LPAR3: variants seen among roughly 807,000 people sequenced by gnomAD.
LPAR3 encodes lysophosphatidic acid receptor 3.
Under a neutral mutation model 17.8 loss-of-function variants are expected in LPAR3, and 7 were observed. The observed-to-expected ratio is 0.39, with a 90% CI of 0.22 to 0.74. The LOEUF is 0.74. Ranked by LOEUF, LPAR3 falls within the 30% of genes least tolerant of loss-of-function variation. The probability of loss-of-function intolerance (pLI) is 0.40; values close to 1 mark genes in which losing one functional copy is unlikely to be tolerated. For synonymous variants in LPAR3, 179 were observed against 179.9 expected (o/e 0.99, Z 0.04); for missense variants, 391 against 453.4 (o/e 0.86, Z 1.25).
Position 84,865,450 on chromosome 1 carries a change from G to T in LPAR3, c.671C>A (p.Thr224Lys). 1.2e-6 allele frequency: 2 copies of T among 1,614,128 alleles called. No individual in the cohort carries two copies. Among genetic ancestry groups the T allele is most frequent in the Non-Finnish European group, 8.5e-7 (1 of 1,180,022 alleles). Residue 224 changes from threonine (T) to lysine (K), a missense_variant, in exon 2 of 3, where the codon ACA (threonine) becomes AAA (lysine). Thr to Lys is a moderately conservative substitution (Grantham distance 78). Coordinates refer to ENST00000370611, the MANE Select transcript of LPAR3 (RefSeq NM_012152.3). ...CCTCCGGCGGCTGATGGACCCACTT[G>T]TATGCGGAGACAAGACGTTGGTTTT... ...KRKTNVLSPH[T>K]SGSISRRRTP...
In LPAR3 at chr1:84,892,618, G is replaced by C. The variant is rs75710830; in HGVS notation, c.-19+398C>G. On this transcript the variant is annotated intron_variant, in intron 1 of 2. Transcript: ENST00000370611. ...AATGTTATATCCCTAGGCTTCACGA[G>C]AGAACCCCAGTTTCCTAATCACCAT... 3.1e-3 allele frequency among the ~76,000 whole-genome samples: 474 copies of C among 152,320 alleles called. 2 individuals are homozygous for C. Among genetic ancestry groups the C allele is most frequent in the African/African-American group, 0.011 (450 of 41,566 alleles).
At chr1:84,839,169 GA>G (rs1477970376) in intron 2 of LPAR3, among the ~76,000 whole-genome samples, 25 of 152,316 alleles carry the variant, frequency 1.6e-4, no homozygotes, top group Non-Finnish European at 2.9e-5. Context: ...ATTTGGTGTA[GA>G]AACCAAGTGA....
chr1:84,872,867 T>A (rs1352527254), intron 1 of LPAR3, among the ~76,000 whole-genome samples: 1 of 152,198 alleles, frequency 6.6e-6, no homozygotes, highest in Non-Finnish European at 1.5e-5. Context: ...CAGTGATAAG[T>A]CATATTGCTA....
At position 84,866,003 on chromosome 1, in the gene LPAR3, A is replaced by G; in HGVS notation, c.118T>C (p.Phe40Leu). ...LVIVLCVGTF[F>L]CLFIFFSNSL... ...TTAGAAAAAAAAATAAACAGGCAGA[A>G]AAACGTCCCAACACACAAAACAATC... Residue 40 changes from phenylalanine to leucine, a missense_variant, in exon 2 of 3, where the codon TTC becomes CTC. Phe to Leu is a conservative substitution (Grantham distance 22). Coordinates refer to ENST00000370611, the MANE Select transcript of LPAR3 (RefSeq NM_012152.3). The G allele has an allele frequency of 6.2e-7, 1 of 1,614,212 alleles. No individual in the cohort carries two copies. Among genetic ancestry groups the G allele is most frequent in the Non-Finnish European group, 8.5e-7 (1 of 1,180,036 alleles).
In LPAR3 at chr1:84,893,149, G is replaced by A. The variant is rs891092197; in HGVS notation, c.-152C>T. On this transcript the variant is annotated 5_prime_UTR_variant, in exon 1 of 3. Transcript: ENST00000370611. ...GCGCGGAGAAGCAGCGGAGGACGCG[G>A]CGGGCGGGCGGAGCGCCTCCTCTCC... The A allele has an allele frequency of 3.3e-5, 5 of 152,056 alleles. No individual in the cohort carries two copies. The highest frequency in any genetic ancestry group is 1.2e-4 in the African/African-American group (5 of 41,442). 9.4% of individuals were successfully genotyped at this position (152,056 alleles called of 1,614,324 possible).
chr1:84,888,831 G>C (rs1570911638), intron 1 of LPAR3, among the ~76,000 whole-genome samples: 1 of 152,322 alleles, frequency 6.6e-6, no homozygotes, highest in Admixed American at 6.5e-5. Context: ...GCTAGTAGAA[G>C]CTCCAGCTTA....
intron 2 of LPAR3, among the ~76,000 whole-genome samples, chr1:84,864,836 T>C (rs999367163): frequency 2.6e-5 from 4 of 151,982 alleles, no homozygotes; most frequent in African/African-American, 4.8e-5. Flanking sequence ...TATAACCACA[T>C]GACCCTACAT....
chr1:84,877,007 C>T (rs1232462619), intron 1 of LPAR3, among the ~76,000 whole-genome samples: 1 of 152,214 alleles, frequency 6.6e-6, no homozygotes, highest in Non-Finnish European at 1.5e-5. Context: ...GAATCTACCT[C>T]ACAAATGTCC....
At chr1:84,831,170 C>T (rs1659276391) in intron 2 of LPAR3, among the ~76,000 whole-genome samples, 1 of 152,218 alleles carries the variant, frequency 6.6e-6, no homozygotes, top group African/African-American at 2.4e-5. Context: ...AACAGTGAAC[C>T]TCACCTTGTG....
At chr1:84,876,121 G>A (rs1006849074) in intron 1 of LPAR3, among the ~76,000 whole-genome samples, 50 of 152,302 alleles carry the variant, frequency 3.3e-4, no homozygotes, top group African/African-American at 1.1e-3. Flanking sequence ...GGGGCTCCTC[G>A]AGAATGCTAT....
At chr1:84,853,901 G>A (rs903169445) in intron 2 of LPAR3, among the ~76,000 whole-genome samples, 1 of 152,074 alleles carries the variant, frequency 6.6e-6, no homozygotes, top group Admixed American at 6.5e-5. Flanking sequence ...TATTTAATTG[G>A]GCCTGCATGG....
intron 2 of LPAR3, among the ~76,000 whole-genome samples, chr1:84,831,714 C>T (rs1659286655): frequency 6.6e-6 from 1 of 151,358 alleles, no homozygotes; most frequent in Non-Finnish European, 1.5e-5. Flanking sequence ...AAACCCATGG[C>T]CTGTAAGAAG....
At chr1:84,857,660 A>C (rs1659854221) in intron 2 of LPAR3, among the ~76,000 whole-genome samples, 1 of 152,220 alleles carries the variant, frequency 6.6e-6, no homozygotes, top group Admixed American at 6.5e-5. Context: ...TATAGAAACC[A>C]AGGGAGATAC....
intron 2 of LPAR3, among the ~76,000 whole-genome samples, chr1:84,819,796 A>T (rs1002682044): frequency 5.9e-5 from 9 of 151,958 alleles, no homozygotes; most frequent in Non-Finnish European, 8.8e-5. Context: ...ATGCCTTCTC[A>T]CCTCCTAATC....
chr1:84,889,648 C>T (rs1210048838), intron 1 of LPAR3, among the ~76,000 whole-genome samples: 1 of 152,162 alleles, frequency 6.6e-6, no homozygotes, highest in African/African-American at 2.4e-5. Context: ...ATTTCCTCCT[C>T]GAAGTCCAGT....
intron 2 of LPAR3, among the ~76,000 whole-genome samples, chr1:84,838,478 C>T (rs1000158546): frequency 3.9e-5 from 6 of 152,202 alleles, no homozygotes; most frequent in African/African-American, 1.2e-4. Context: ...TGACTTCCCT[C>T]TCCCCATCCC....
At chr1:84,845,855 T>A (rs1344571236) in intron 2 of LPAR3, among the ~76,000 whole-genome samples, 1 of 152,200 alleles carries the variant, frequency 6.6e-6, no homozygotes, top group Non-Finnish European at 1.5e-5. Flanking sequence ...GTATACTTTA[T>A]CCACTGGGAA....
At chr1:84,828,406 C>T (rs77895108) in intron 2 of LPAR3, among the ~76,000 whole-genome samples, 3,537 of 152,250 alleles carry the variant, frequency 0.023, 69 homozygotes, top group Admixed American at 0.036. Context: ...TCTAACTTTT[C>T]CCTAAGCTTG....
At chr1:84,833,462 A>G (rs919350926) in intron 2 of LPAR3, among the ~76,000 whole-genome samples, 1 of 152,200 alleles carries the variant, frequency 6.6e-6, no homozygotes, top group Non-Finnish European at 1.5e-5. Context: ...GGACTGAGCG[A>G]GAGAATGGAT....
Sources: gnomAD v4.1 joint callset for allele counts (sites outside exome capture counted in the v4.1 genomes callset) on GRCh38, gnomAD v4.1.1 for gene constraint, MANE v1.5 for transcripts, NCBI Gene and HGNC (gene_info 2026-07-23, HGNC 2026-07-21) for gene names.